The following CCDC102B variants were observed in gnomAD, a reference collection of about 807,000 sequenced individuals.
CCDC102B encodes the protein coiled-coil domain-containing protein 102B.
CCDC102B carries 75 observed loss-of-function variants against 57.4 expected under a neutral mutation model. The observed-to-expected ratio is 1.31, with a 90% CI of 1.08 to 1.58. CCDC102B has a LOEUF of 1.58. Ranked by LOEUF, CCDC102B falls within the 40% of genes most tolerant of loss-of-function variation. CCDC102B has a pLI of 0.00. For missense variants in CCDC102B, 636 were observed against 582.6 expected (o/e 1.09, Z -0.94); for synonymous variants, 206 against 201.9 (o/e 1.02, Z -0.17).
At chr18:68,982,296 G>A (rs2145296508) in intron 6 of CCDC102B, among the ~76,000 whole-genome samples, 1 of 152,016 alleles carries the variant, frequency 6.6e-6, no homozygotes, top group Admixed American at 6.6e-5. Flanking sequence ...ATTGAACTTA[G>A]TATATGAATA....
intron 2 of CCDC102B, among the ~76,000 whole-genome samples, chr18:68,784,213 G>C (rs890581683): frequency 6.6e-6 from 1 of 152,130 alleles, no homozygotes; most frequent in African/African-American, 2.4e-5. Flanking sequence ...AAGCATGGCA[G>C]CTTCTGTTTT....
At chr18:69,007,362 C>T (rs961143245) in intron 6 of CCDC102B, among the ~76,000 whole-genome samples, 1 of 152,176 alleles carries the variant, frequency 6.6e-6, no homozygotes, top group Non-Finnish European at 1.5e-5. Context: ...CCCCCAAAGT[C>T]TCAGATTGTT....
At chr18:68,897,570 C>A (rs766225392) in intron 6 of CCDC102B, 142 bp downstream of exon 6, 9 of 1,574,186 alleles carry the variant, frequency 5.7e-6, no homozygotes, top group Non-Finnish European at 7.8e-6. Flanking sequence ...TGCTCTTTTG[C>A]CCACTAGGAT....
chr18:68,765,357 GAAAGAAAGAAAGAAAGAAAGA>G (rs2034420682), intron 2 of CCDC102B, among the ~76,000 whole-genome samples: 4 of 120,920 alleles, frequency 3.3e-5, no homozygotes, highest in South Asian at 2.7e-4. Flanking sequence ...AAGAAAGAAA[GAAAGAAAGAAAGAAAGAAAGA>G]AAAGAAAGAA....
chr18:69,024,102 A>C (rs567926017), intron 7 of CCDC102B, among the ~76,000 whole-genome samples: 38 of 152,212 alleles, frequency 2.5e-4, no homozygotes, highest in African/African-American at 8.7e-4. Flanking sequence ...AATAATGGGA[A>C]ATACGCTTTG....
intron 6 of CCDC102B, among the ~76,000 whole-genome samples, chr18:68,983,107 A>G (rs2050636307): frequency 6.6e-6 from 1 of 151,802 alleles, no homozygotes; most frequent in African/African-American, 2.4e-5. Context: ...TTCTCTTTGT[A>G]TAATTGGAAG....
At chr18:68,790,080 T>C (rs1322386524) in intron 2 of CCDC102B, among the ~76,000 whole-genome samples, 5 of 147,984 alleles carry the variant, frequency 3.4e-5, no homozygotes, top group Admixed American at 2.7e-4. Context: ...TCTGTTGGAA[T>C]ACCCTGCCAT....
rs537113434 is a variant in CCDC102B, at chr18:69,048,828, T to C, written c.1435-5202T>C. Among the ~76,000 whole-genome samples, 38 of 152,194 alleles carry C rather than the reference T, an allele frequency of 2.5e-4. 2 individuals are homozygous for C. Among genetic ancestry groups the C allele is most frequent in the African/African-American group, 9.1e-4 (38 of 41,544 alleles). On this transcript the variant is annotated intron_variant, in intron 7 of 7. Transcript: ENST00000360242. ...TAACGCTGGTATAGAGATCAATCAC[T>C]TGGGATCTGGTTCATCTTTAGCAGT...
At position 69,016,005 on chromosome 18, in the gene CCDC102B, C is replaced by G. The variant is rs564477170; in HGVS notation, c.1434+4901C>G. Among the ~76,000 whole-genome samples, 16 of 149,474 alleles carry G rather than the reference C, an allele frequency of 1.1e-4. No homozygotes were observed. In the South Asian group the frequency reaches 3.4e-3, roughly 32 times the overall value. On this transcript the variant is annotated intron_variant, in intron 7 of 7. Transcript: ENST00000360242. ...AAGTTGCTGGGACTACAGGTGCCCA[C>G]CACCATGCCTGGCTAATTTTCTTTT...
At chr18:68,983,261 A>C (rs2050640028) in intron 6 of CCDC102B, among the ~76,000 whole-genome samples, 1 of 151,908 alleles carries the variant, frequency 6.6e-6, no homozygotes, top group African/African-American at 2.4e-5. Flanking sequence ...TCACTCTCAT[A>C]ATCCTTATCT....
At chr18:68,936,860 A>AT (rs1207145953) in intron 6 of CCDC102B, among the ~76,000 whole-genome samples, 5 of 147,178 alleles carry the variant, frequency 3.4e-5, no homozygotes, top group African/African-American at 1.1e-4. Flanking sequence ...ATATACACAT[A>AT]TACACACACA....
At chr18:68,803,601 G>A (rs1373203269) in intron 1 of CCDC102B, among the ~76,000 whole-genome samples, 3 of 152,282 alleles carry the variant, frequency 2.0e-5, no homozygotes, top group East Asian at 1.9e-4. Flanking sequence ...CCAGATGGCC[G>A]GCAGCTGCTG....
chr18:68,856,386 G>A (rs1465897998), intron 4 of CCDC102B, among the ~76,000 whole-genome samples: 3 of 152,034 alleles, frequency 2.0e-5, no homozygotes, highest in Admixed American at 6.6e-5. Flanking sequence ...AAACTCCCTG[G>A]CTCCAGTGAT....
Position 68,823,222 on chromosome 18 carries a change from T to A in CCDC102B, c.-15-13527T>A, listed in dbSNP as rs570073764. On this transcript the variant is annotated intron_variant, in intron 1 of 7. Transcript: ENST00000360242. ...TAGGTGTTACCAAATTCTTTTAGCT[T>A]AGTAAAAACTTCAAAGAGCATTGCA... is the stretch of plus-strand genomic sequence containing the variant. 25 of 152,384 alleles carry A rather than the reference T, an allele frequency of 1.6e-4. 1 individual carries two copies. Among genetic ancestry groups the A allele is most frequent in the African/African-American group, 5.3e-4 (22 of 41,594 alleles). The allele number at this position is 152,384 out of a possible 1,614,324, so 9.4% of individuals were successfully genotyped here.
chr18:68,949,388 A>G (rs1380422829), intron 6 of CCDC102B, among the ~76,000 whole-genome samples: 1 of 152,118 alleles, frequency 6.6e-6, no homozygotes, highest in Non-Finnish European at 1.5e-5. Flanking sequence ...TAAAAACACA[A>G]TAGAAACGAG....
intron 7 of CCDC102B, among the ~76,000 whole-genome samples, chr18:69,014,978 A>AGAGTGTGTGTGTGTGTGTGTGT (rs139377520): frequency 2.4e-4 from 34 of 139,434 alleles, no homozygotes; most frequent in East Asian, 6.7e-4. Context: ...AGAGAGAGAG[A>AGAGTGTGTGTGTGTGTGTGTGT]GTGTGTGTGT....
chr18:68,978,444 A>G (rs1472460177), intron 6 of CCDC102B, among the ~76,000 whole-genome samples: 1 of 152,082 alleles, frequency 6.6e-6, no homozygotes, highest in African/African-American at 2.4e-5. Flanking sequence ...TATGGAAATG[A>G]AAGAATGGAG....
intron 6 of CCDC102B, among the ~76,000 whole-genome samples, chr18:68,995,251 A>G (rs563596807): frequency 6.6e-6 from 1 of 152,330 alleles, no homozygotes; most frequent in Admixed American, 6.5e-5. Flanking sequence ...TGACAATGCT[A>G]TAGAAAAGAA....
At chr18:68,877,270 A>G (rs1823928914) in intron 5 of CCDC102B, among the ~76,000 whole-genome samples, 1 of 152,212 alleles carries the variant, frequency 6.6e-6, no homozygotes, top group African/African-American at 2.4e-5. Context: ...GACTGTATCA[A>G]TTAAAACTGT....
Sources: allele counts gnomAD v4.1 joint callset (sites outside exome capture counted in the v4.1 genomes callset), GRCh38; gene constraint gnomAD v4.1.1; transcripts MANE v1.5; gene names NCBI Gene and HGNC (gene_info 2026-07-23, HGNC 2026-07-21).